Variants in MACROD2 observed in about 807,000 individuals in gnomAD.
MACROD2 encodes the protein ADP-ribose glycohydrolase MACROD2.
Under a neutral mutation model 70.4 loss-of-function variants are expected in MACROD2, and 36 were observed. The observed-to-expected ratio is 0.51, with a 90% CI of 0.39 to 0.68. The LOEUF (loss-of-function observed/expected upper bound fraction) is 0.68. MACROD2 is among the 30% of genes least tolerant of loss of function. The pLI is 0.00. For synonymous variants in MACROD2, 172 were observed against 178.8 expected (o/e 0.96, Z 0.30); for missense variants, 496 against 538.4 (o/e 0.92, Z 0.78).
chr20:15,266,421 G>A (rs886680381), intron 6 of MACROD2, among the ~76,000 whole-genome samples: 1 of 152,130 alleles, frequency 6.6e-6, no homozygotes, highest in African/African-American at 2.4e-5. Flanking sequence ...CCAACGATGT[G>A]ACCTTCATTG....
intron 2 of MACROD2, among the ~76,000 whole-genome samples, chr20:14,060,700 A>G (rs552971471): frequency 6.6e-6 from 1 of 152,050 alleles, no homozygotes; most frequent in East Asian, 1.9e-4. Context: ...CTATTATGTT[A>G]TTTCTCTTGG....
chr20:15,321,406 C>T (rs1015216033), intron 6 of MACROD2, among the ~76,000 whole-genome samples: 1 of 144,212 alleles, frequency 6.9e-6, no homozygotes, highest in African/African-American at 2.5e-5. Flanking sequence ...GGCCCATAAA[C>T]TCCCTTTTGC....
intron 3 of MACROD2, among the ~76,000 whole-genome samples, chr20:14,103,041 C>A (rs2054319979): frequency 6.6e-6 from 1 of 151,958 alleles, no homozygotes; most frequent in Non-Finnish European, 1.5e-5. Context: ...TTTAGCCCTG[C>A]ATCTCAGCGT....
intron 5 of MACROD2, among the ~76,000 whole-genome samples, chr20:14,972,048 C>G (rs529045610): frequency 8.1e-4 from 124 of 152,174 alleles, no homozygotes; most frequent in Non-Finnish European, 1.6e-3. Flanking sequence ...GAAAACCTTA[C>G]CAAGTACTCC....
intron 5 of MACROD2, among the ~76,000 whole-genome samples, chr20:14,765,658 A>T (rs2072077404): frequency 6.6e-6 from 1 of 151,832 alleles, no homozygotes; most frequent in African/African-American, 2.4e-5. Context: ...ACTGGGTTTA[A>T]TTTTTTTTAA....
intron 5 of MACROD2, among the ~76,000 whole-genome samples, chr20:15,180,227 CAATTT>C (rs1338700253): frequency 2.6e-5 from 4 of 152,186 alleles, no homozygotes; most frequent in Admixed American, 2.0e-4. Context: ...GGGTGGGACA[CAATTT>C]AATCCATAAC....
chr20:14,552,649 A>G (rs1474001471), intron 4 of MACROD2, among the ~76,000 whole-genome samples: 1 of 152,156 alleles, frequency 6.6e-6, no homozygotes, highest in East Asian at 1.9e-4. Context: ...CTATGTACCT[A>G]GGCTATATGG....
intron 5 of MACROD2, among the ~76,000 whole-genome samples, chr20:14,866,674 G>A (rs992921972): frequency 6.6e-6 from 1 of 151,996 alleles, no homozygotes; most frequent in South Asian, 2.1e-4. Flanking sequence ...TACATATTGG[G>A]CTTTTTAATT....
intron 5 of MACROD2, among the ~76,000 whole-genome samples, chr20:14,897,558 T>A (rs2073845489): frequency 6.6e-6 from 1 of 152,172 alleles, no homozygotes; most frequent in African/African-American, 2.4e-5. Flanking sequence ...ATTTATATAG[T>A]TCATTTTAGT....
At chr20:15,915,954 G>A (rs1462171465) in intron 10 of MACROD2, among the ~76,000 whole-genome samples, 1 of 152,156 alleles carries the variant, frequency 6.6e-6, no homozygotes, top group Non-Finnish European at 1.5e-5. Context: ...CCATAAAAGA[G>A]GGAGTATTAG....
chr20:14,538,246 C>G (rs2085390498), intron 4 of MACROD2, among the ~76,000 whole-genome samples: 1 of 152,128 alleles, frequency 6.6e-6, no homozygotes, highest in South Asian at 2.1e-4. Context: ...TACACTGAAA[C>G]CAATGCACCC....
At chr20:15,166,977 TATTTA>T (rs929767887) in intron 5 of MACROD2, among the ~76,000 whole-genome samples, 81 of 151,030 alleles carry the variant, frequency 5.4e-4, no homozygotes, top group Admixed American at 2.4e-3. Flanking sequence ...TAAATTTAAG[TATTTA>T]ATTTAAGTAT....
intron 5 of MACROD2, among the ~76,000 whole-genome samples, chr20:14,731,442 A>C (rs2071596235): frequency 1.3e-5 from 2 of 152,156 alleles, no homozygotes. Flanking sequence ...TGGTGCTGAC[A>C]CTCAATCTCT....
At chr20:15,541,628 T>C (rs1217803309) in intron 8 of MACROD2, among the ~76,000 whole-genome samples, 2 of 152,182 alleles carry the variant, frequency 1.3e-5, no homozygotes, top group African/African-American at 2.4e-5. Flanking sequence ...ACTGGAACAT[T>C]TGGCCAATTT....
In MACROD2 at chr20:14,969,405, T is replaced by C. The variant is rs936455876; in HGVS notation, c.419-260535T>C. On this transcript the variant is annotated intron_variant, in intron 5 of 17. Transcript: ENST00000684519. ...ACACACACACACACACACACACATA[T>C]ATAAGCATTTATTCAGCACAGATTT... Among the ~76,000 whole-genome samples the C allele has an allele frequency of 2.3e-3, 288 of 124,580 alleles. 5 individuals carry two copies. The highest frequency in any genetic ancestry group is 5.5e-3 in the South Asian group (17 of 3,072). The allele number at this position is 124,580 out of a possible 152,430, so 81.7% of individuals were successfully genotyped here. A position where few individuals can be genotyped will look rare whatever the true frequency, so the allele number is the denominator to read the frequency against.
chr20:14,933,031 G>C, intron 5 of MACROD2, among the ~76,000 whole-genome samples: 1 of 151,976 alleles, frequency 6.6e-6, no homozygotes. Context: ...AAGTATTAAC[G>C]AAATAGAAAG....
chr20:16,036,009 G>A (rs1391234587), intron 15 of MACROD2, among the ~76,000 whole-genome samples: 1 of 151,972 alleles, frequency 6.6e-6, no homozygotes, highest in Non-Finnish European at 1.5e-5. Flanking sequence ...CAGGTAGGAA[G>A]GAAACATTTC....
At chr20:15,357,667 T>C (rs776945685) in intron 6 of MACROD2, among the ~76,000 whole-genome samples, 2 of 152,184 alleles carry the variant, frequency 1.3e-5, no homozygotes, top group Non-Finnish European at 2.9e-5. Context: ...TTTCTTAGAA[T>C]GTAATACATA....
At chr20:14,376,567 T>C (rs2083373014) in intron 3 of MACROD2, among the ~76,000 whole-genome samples, 1 of 151,950 alleles carries the variant, frequency 6.6e-6, no homozygotes, top group Non-Finnish European at 1.5e-5. Context: ...GGCAATATAG[T>C]GAGACTCCGT....
Sources: gnomAD v4.1 joint callset for allele counts (sites outside exome capture counted in the v4.1 genomes callset) on GRCh38, gnomAD v4.1.1 for gene constraint, MANE v1.5 for transcripts, NCBI Gene and HGNC (gene_info 2026-07-23, HGNC 2026-07-21) for gene names.